The following KIF13A variants were observed in gnomAD, a reference collection of about 807,000 sequenced individuals.
KIF13A encodes kinesin-like protein KIF13A.
In KIF13A, 79 loss-of-function variants were observed where a neutral mutation model predicts 212.2. The ratio of observed to expected loss-of-function variants is 0.37; its 90% CI spans 0.31 to 0.45. The LOEUF is 0.45. Ranked by LOEUF, KIF13A falls within the 20% of genes least tolerant of loss-of-function variation. The pLI is 1.00. For synonymous variants in KIF13A, 789 were observed against 808.6 expected (o/e 0.98, Z 0.41); for missense variants, 1,901 against 2,209.0 (o/e 0.86, Z 2.79).
chr6:17,987,384 TA>T lies in KIF13A; in HGVS notation c.55+24del. On this transcript the variant is annotated intron_variant, in intron 1 of 38. Coordinates refer to ENST00000259711, the MANE Select transcript of KIF13A (RefSeq NM_022113.6). This position sits in a 1 kb window ranked among gnomAD's most constrained non-coding sequence, Gnocchi z 7.7. ...CCCCCGCCCTCAGCCCGAGCAGAAATAAAAAAGAGCGGAAAGCTCCTCACCT... is the reference window on the plus strand; with the variant it reads ...CCCCCGCCCTCAGCCCGAGCAGAAATAAAAAGAGCGGAAAGCTCCTCACCT... 8 of 1,349,838 alleles carry T rather than the reference TA, an allele frequency of 5.9e-6. No individual in the cohort carries two copies. Among genetic ancestry groups the T allele is most frequent in the South Asian group, 1.3e-5 (1 of 79,434 alleles). The allele number at this position is 1,349,838 out of a possible 1,614,324, so 83.6% of individuals were successfully genotyped here.
In KIF13A at chr6:17,812,164, CT is replaced by C. The variant is rs771535614; in HGVS notation, c.2001-3235del. On this transcript the variant is annotated intron_variant, in intron 17 of 38. Coordinates refer to ENST00000259711, the MANE Select transcript of KIF13A (RefSeq NM_022113.6). The stretch of plus-strand genomic sequence containing the variant: ...AGCAAACCACCTTCTTTATCAGATA[CT>C]TTTGTTTTTTAAAATTTAAATATTT... 7.2e-5 allele frequency: 11 copies of C among 152,222 alleles called. No individual in the cohort carries two copies. The East Asian group carries it at 1.9e-3, about 27-fold the overall frequency. The allele number at this position is 152,222 out of a possible 1,614,324, so 9.4% of individuals were successfully genotyped here.
In KIF13A at chr6:17,851,946, A is replaced by C; in HGVS notation, c.582+9T>G. 1 of 1,449,170 alleles carries C rather than the reference A, an allele frequency of 6.9e-7. No homozygotes were observed. 89.8% of individuals were successfully genotyped at this position (1,449,170 alleles called of 1,614,324 possible). ...AGCTTTTAATCACATTTTAAAAAAA[A>C]TGACTTACCTCAAAACTAGTGACAG... On this transcript the variant is annotated intron_variant, in intron 7 of 38. Coordinates refer to ENST00000259711, the MANE Select transcript of KIF13A (RefSeq NM_022113.6).
At chr6:17,846,825 T>C (rs577305714) in intron 9 of KIF13A, among the ~76,000 whole-genome samples, 34 of 152,188 alleles carry the variant, frequency 2.2e-4, no homozygotes, top group Admixed American at 5.9e-4. Flanking sequence ...AAGTATCATC[T>C]AGATGCTGCC....
At position 17,809,534 on chromosome 6, in the gene KIF13A, T is replaced by C. The variant is rs994925913; in HGVS notation, c.2001-604A>G. Among the ~76,000 whole-genome samples, 13 of 152,342 alleles carry C rather than the reference T, an allele frequency of 8.5e-5. No individual in the cohort carries two copies. The highest frequency in any genetic ancestry group is 2.6e-4 in the Admixed American group (4 of 15,300). On this transcript the variant is annotated intron_variant, in intron 17 of 38. Coordinates refer to ENST00000259711, the MANE Select transcript of KIF13A (RefSeq NM_022113.6). This position sits in a 1 kb window ranked among gnomAD's most constrained non-coding sequence, Gnocchi z 4.7. ...ATAGCATTTGCCATAGTTAGAACTTTTCATTTTTACTCGTATAATTATTTG... is the reference window on the plus strand; with the variant it reads ...ATAGCATTTGCCATAGTTAGAACTTCTCATTTTTACTCGTATAATTATTTG...
chr6:17,846,041 C>CTTTTTTTTTTT (rs34232861), intron 9 of KIF13A, among the ~76,000 whole-genome samples: 3 of 83,264 alleles, frequency 3.6e-5, no homozygotes, highest in Non-Finnish European at 6.1e-5. Flanking sequence ...GGAACTCAAC[C>CTTTTTTTTTTT]TTTTTTTTTT....
intron 2 of KIF13A, among the ~76,000 whole-genome samples, chr6:17,979,651 A>C (rs912612268): frequency 2.0e-5 from 3 of 152,188 alleles, no homozygotes; most frequent in Admixed American, 1.3e-4. Flanking sequence ...ATACCAAAAC[A>C]AACAAACAAA....
chr6:17,779,013 GTACGTCTCC>G lies in KIF13A; in HGVS notation c.4017_4025del (p.Glu1340_Tyr1342del). ...GCACGCCTCGAGTGTACTTCTCAAT[GTACGTCTCC>G]CCATCTGATGTGCCTTCGTTTTCAC... On this transcript the variant is annotated inframe_deletion, in exon 33 of 39. Transcript: ENST00000259711. 1 of 1,613,544 alleles carries G rather than the reference GTACGTCTCC, an allele frequency of 6.2e-7. No homozygotes were observed.
At chr6:17,792,243 G>A (rs918047442) in intron 25 of KIF13A, among the ~76,000 whole-genome samples, 49 of 142,210 alleles carry the variant, frequency 3.4e-4, no homozygotes, top group African/African-American at 1.1e-3. Flanking sequence ...TCCTTGGAAT[G>A]TTCCTCAAAT....
intron 3 of KIF13A, among the ~76,000 whole-genome samples, chr6:17,889,441 C>T (rs1311106935): frequency 7.9e-5 from 12 of 152,116 alleles, no homozygotes; most frequent in East Asian, 3.9e-4. Flanking sequence ...TCAAATAAAC[C>T]GTACATGAAA....
intron 2 of KIF13A, among the ~76,000 whole-genome samples, chr6:17,929,745 T>C (rs1374937534): frequency 6.6e-6 from 1 of 152,188 alleles, no homozygotes. Context: ...GGTCTCACTA[T>C]GTTGCCCAGG....
At chr6:17,906,491 T>C in intron 2 of KIF13A, among the ~76,000 whole-genome samples, 1 of 141,292 alleles carries the variant, frequency 7.1e-6, no homozygotes, top group Non-Finnish European at 1.5e-5. Context: ...CTCTGCTGCC[T>C]AGGCTGGAGT....
intron 4 of KIF13A, among the ~76,000 whole-genome samples, chr6:17,864,114 A>G (rs1769125964): frequency 6.6e-6 from 1 of 152,212 alleles, no homozygotes; most frequent in Non-Finnish European, 1.5e-5. Flanking sequence ...AGGAGGATCT[A>G]TGAGTATTTG....
Position 17,826,895 on chromosome 6 carries a change from C to T in KIF13A, c.1533-771G>A, listed in dbSNP as rs1001966126. 1.0e-3 allele frequency among the ~76,000 whole-genome samples: 151 copies of T among 151,732 alleles called. 1 individual carries two copies. Among genetic ancestry groups the T allele is most frequent in the Admixed American group, 9.9e-3 (150 of 15,208 alleles). ...GATACAATGTTATAAAATCTGGAAT[C>T]TACTTTAAAATAATTTTTTTTTCTG... On this transcript the variant is annotated intron_variant, in intron 14 of 38. Transcript: ENST00000259711. The surrounding 1 kb of genome is among the most constrained non-coding windows in gnomAD (Gnocchi z 4.7).
chr6:17,781,168 G>C lies in KIF13A; in HGVS notation c.3669+9C>G. The C allele has an allele frequency of 6.2e-7, 1 of 1,613,876 alleles. No homozygotes were observed. Among genetic ancestry groups the C allele is most frequent in the Non-Finnish European group, 8.5e-7 (1 of 1,179,852 alleles). The stretch of plus-strand genomic sequence containing the variant: ...GAAGCCTTTTAAGAGAAACTTGGGG[G>C]TTAATTACCTCATCATCACTGTGCT... On this transcript the variant is annotated intron_variant, in intron 30 of 38. Transcript: ENST00000259711.
Position 17,768,502 on chromosome 6 carries a change from C to T in KIF13A, c.4581+2612G>A, listed in dbSNP as rs779664713. ...TCACCAGAGATCTCTGTTTGCAGAA[C>T]TGCACCAGCCAAGGGCTCCAGTACT... On this transcript the variant is annotated intron_variant, in intron 38 of 38. Transcript: ENST00000259711. This position sits in a 1 kb window ranked among gnomAD's most constrained non-coding sequence, Gnocchi z 5.4. 1.3e-5 allele frequency among the ~76,000 whole-genome samples: 2 copies of T among 152,230 alleles called. No homozygotes were observed. The highest frequency in any genetic ancestry group is 2.9e-5 in the Non-Finnish European group (2 of 68,048).
chr6:17,861,774 T>A (rs1430776447), intron 4 of KIF13A, among the ~76,000 whole-genome samples: 1 of 152,230 alleles, frequency 6.6e-6, no homozygotes, highest in African/African-American at 2.4e-5. Flanking sequence ...TCATTACATA[T>A]TGAGGATATT....
In KIF13A at chr6:17,764,993, G is replaced by T; in HGVS notation, c.4582-47C>A. 7.2e-7 allele frequency: 1 copy of T among 1,387,166 alleles called. No individual in the cohort carries two copies. The highest frequency in any genetic ancestry group is 9.8e-7 in the Non-Finnish European group (1 of 1,019,774). 85.9% of individuals were successfully genotyped at this position (1,387,166 alleles called of 1,614,324 possible). The stretch of plus-strand genomic sequence containing the variant: ...CAGTCATTAGCTCCTTGTAGCAACT[G>T]TACTGTTGAGACAAGTTTTAAATAC... On this transcript the variant is annotated intron_variant, in intron 38 of 38. Coordinates refer to ENST00000259711, the MANE Select transcript of KIF13A (RefSeq NM_022113.6). This position sits in a 1 kb window ranked among gnomAD's most constrained non-coding sequence, Gnocchi z 5.1.
rs1358556276 is a variant in KIF13A at position 17,947,076 on chromosome 6, T to C, written c.146+39978A>G. Among the ~76,000 whole-genome samples, 2 of 152,196 alleles carry C rather than the reference T, an allele frequency of 1.3e-5. No individual in the cohort carries two copies. The highest frequency in any genetic ancestry group is 4.8e-5 in the African/African-American group (2 of 41,464). Reference sequence around the variant, plus strand: ...AAAGTGTGACGAAAAGTTCAAAAAGTAGCATTCCATTTACAAAAATATTAA... The same window carrying C: ...AAAGTGTGACGAAAAGTTCAAAAAGCAGCATTCCATTTACAAAAATATTAA... On this transcript the variant is annotated intron_variant, in intron 2 of 38. Transcript: ENST00000259711. The surrounding 1 kb of genome is among the most constrained non-coding windows in gnomAD (Gnocchi z 4.6).
At chr6:17,822,344 T>C (rs145370600) in intron 16 of KIF13A, among the ~76,000 whole-genome samples, 34 of 152,228 alleles carry the variant, frequency 2.2e-4, no homozygotes, top group African/African-American at 7.9e-4. Context: ...CACCCAGCCA[T>C]AAATATGACT....
Sources: gnomAD v4.1 joint callset for allele counts (sites outside exome capture counted in the v4.1 genomes callset) on GRCh38, gnomAD v4.1.1 for gene constraint, Gnocchi (gnomAD v3.1) non-coding constraint, MANE v1.5 for transcripts, NCBI Gene and HGNC (gene_info 2026-07-23, HGNC 2026-07-21) for gene names.